The following CROCC variants were observed in gnomAD, a reference collection of about 807,000 sequenced individuals.
CROCC encodes the protein rootletin.
CROCC carries 180 observed loss-of-function variants against 245.2 expected under a neutral mutation model. That is an observed-to-expected ratio of 0.73 (90% CI 0.65 to 0.83). CROCC has a LOEUF of 0.83. Ranked by LOEUF, CROCC falls within the 40% of genes least tolerant of loss-of-function variation. The probability of loss-of-function intolerance (pLI) is 0.00; values close to 1 mark genes in which losing one functional copy is unlikely to be tolerated. For synonymous variants in CROCC, 1,205 were observed against 1,241.6 expected (o/e 0.97, Z 0.62); for missense variants, 2,688 against 2,779.4 (o/e 0.97, Z 0.74).
rs1437082398 is a variant in CROCC at position 16,946,343 on chromosome 1, C to T, written c.2221C>T (p.Leu741=). Residue 741 remains leucine (L), a synonymous_variant, in exon 16 of 37, where the codon CTG becomes TTG. Coordinates refer to ENST00000375541, the MANE Select transcript of CROCC (RefSeq NM_014675.5). ...EASLQDSLSK[L]SALNESLAQD... is the part of the protein sequence containing the mutation. ...CTCCCTGCAGGACTCCCTGTCCAAG[C>T]TGAGCGCCCTCAACGAGAGCCTTGC... 6.2e-7 allele frequency: 1 copy of T among 1,613,478 alleles called. No homozygotes were observed. The highest frequency in any genetic ancestry group is 1.3e-5 in the African/African-American group (1 of 75,082).
intron 13 of CROCC, among the ~76,000 whole-genome samples, chr1:16,942,981 T>G (rs150302166): frequency 0.063 from 9,514 of 150,914 alleles, 78 homozygotes; most frequent in African/African-American, 0.12. Flanking sequence ...AGTGGCTCAC[T>G]CCTGTAATCC....
intron 19 of CROCC, among the ~76,000 whole-genome samples, chr1:16,950,381 A>G (rs1411285389): frequency 6.7e-6 from 1 of 148,880 alleles, no homozygotes; most frequent in Non-Finnish European, 1.5e-5. Context: ...TTTTTGAGGC[A>G]GAGTCTCACT....
At chr1:16,948,698 A>G (rs1203820122) in intron 18 of CROCC, 101 bp from the exon 19 acceptor site, 1 of 1,555,236 alleles carries the variant, frequency 6.4e-7, no homozygotes, top group African/African-American at 1.4e-5. Flanking sequence ...CCAGGCAGGT[A>G]GATTGGCACT....
At chr1:16,955,269 G>GA (rs759106514) in intron 23 of CROCC, 43 bp from the exon 24 acceptor site, 2 of 1,584,196 alleles carry the variant, frequency 1.3e-6, no homozygotes, top group South Asian at 2.2e-5. Context: ...CTTGACGGGG[G>GA]GGTCCCTGAC....
chr1:16,972,136 T>C (rs1487798126), intron 36 of CROCC, among the ~76,000 whole-genome samples: 7 of 152,092 alleles, frequency 4.6e-5, no homozygotes, highest in Non-Finnish European at 7.4e-5. Flanking sequence ...ATGATGGGGA[T>C]AAAGAATGGG....
Position 16,970,691 on chromosome 1 carries a change from A to G in CROCC, c.5708A>G (p.Lys1903Arg), listed in dbSNP as rs542445756. The G allele has an allele frequency of 3.7e-6, 6 of 1,603,138 alleles. No homozygotes were observed. In the Admixed American group the frequency reaches 1.0e-4, roughly 28 times the overall value. The stretch of plus-strand genomic sequence containing the variant: ...GACACAGTGCGGCTGAGCGCAGAGA[A>G]GGGCCGCCTGGACCGCACCCTCACG... The part of the protein sequence containing the change: ...HEDTVRLSAE[K>R]GRLDRTLTGA... Residue 1903 changes from lysine to arginine, a missense_variant, in exon 35 of 37, where the codon AAG becomes AGG. Lys to Arg is a conservative substitution (Grantham distance 26). Coordinates refer to ENST00000375541, the MANE Select transcript of CROCC (RefSeq NM_014675.5).
chr1:16,920,783 G>A (rs2075387439), upstream of CROCC, among the ~76,000 whole-genome samples: 1 of 131,924 alleles, frequency 7.6e-6, no homozygotes, highest in Admixed American at 8.8e-5. Flanking sequence ...CACTCTTGTT[G>A]CCCAGGCTGG....
intron 1 of CROCC, among the ~76,000 whole-genome samples, chr1:16,914,523 C>A (rs1001809509): frequency 6.6e-6 from 1 of 152,290 alleles, no homozygotes; most frequent in Non-Finnish European, 1.5e-5. Flanking sequence ...CTGCACTGCC[C>A]TCCTCGTGTG....
chr1:16,927,526 G>A (rs555022946), intron 3 of CROCC, among the ~76,000 whole-genome samples: 3 of 152,314 alleles, frequency 2.0e-5, no homozygotes, highest in Non-Finnish European at 4.4e-5. Flanking sequence ...CAACACCCGC[G>A]CCACAACATA....
intron 25 of CROCC, among the ~76,000 whole-genome samples, chr1:16,956,769 C>T (rs999982077): frequency 3.3e-5 from 5 of 151,358 alleles, no homozygotes; most frequent in South Asian, 2.1e-4. Context: ...CTTGTAGAAA[C>T]GGGAGATGGG....
intron 9 of CROCC, among the ~76,000 whole-genome samples, chr1:16,937,358 A>AC (rs1172818602): frequency 6.6e-6 from 1 of 152,090 alleles, no homozygotes; most frequent in Non-Finnish European, 1.5e-5. Flanking sequence ...GTCTCAAAAA[A>AC]AAAAAAACAA....
chr1:16,952,138 CG>C (rs1169107449), intron 20 of CROCC, among the ~76,000 whole-genome samples: 1 of 150,950 alleles, frequency 6.6e-6, no homozygotes, highest in Non-Finnish European at 1.5e-5. Context: ...CTGCCCACCT[CG>C]GCCTCCCAAA....
At chr1:16,942,872 A>G (rs1377753654) in intron 13 of CROCC, among the ~76,000 whole-genome samples, 1 of 152,272 alleles carries the variant, frequency 6.6e-6, no homozygotes, top group Non-Finnish European at 1.5e-5. Flanking sequence ...TTGGGAGGCC[A>G]AGGCGGGTGG....
intron 8 of CROCC, among the ~76,000 whole-genome samples, chr1:16,932,555 A>T (rs1350215079): frequency 1.3e-5 from 2 of 152,206 alleles, no homozygotes; most frequent in African/African-American, 4.8e-5. Flanking sequence ...AGGTCAGAAA[A>T]ACCACTTTGT....
At chr1:16,942,034 A>G (rs1223691253) in intron 13 of CROCC, among the ~76,000 whole-genome samples, 2 of 152,192 alleles carry the variant, frequency 1.3e-5, no homozygotes, top group Non-Finnish European at 2.9e-5. Context: ...AATTTGAGAC[A>G]GGGTCTTGTT....
At position 16,924,474 on chromosome 1, in the gene CROCC, G is replaced by T. The variant is rs373042019; in HGVS notation, c.346G>T (p.Glu116Ter). The T allele has an allele frequency of 2.3e-5, 37 of 1,611,636 alleles. No homozygotes were observed. In the African/African-American group the frequency reaches 4.0e-4, roughly 17 times the overall value. Reference sequence around the variant, plus strand: ...CGCCATTAAGTACAATGCGGTCAGCGAGAGGGTGGGTGCCGCCCAGGTGGT... The same window carrying T: ...CGCCATTAAGTACAATGCGGTCAGCTAGAGGGTGGGTGCCGCCCAGGTGGT... ...ELAIKYNAVS[E>*]RLEQALRLEP... is the part of the protein sequence containing the mutation. The change falls in exon 3 of 37, where the codon GAG becomes TAG. Residue 116 changes from glutamate (E) to a stop codon, truncating the protein, a stop_gained. Coordinates refer to ENST00000375541, the MANE Select transcript of CROCC (RefSeq NM_014675.5). LOFTEE classifies it high-confidence loss of function.
chr1:16,971,595 TG>T lies in CROCC; in HGVS notation c.5917del (p.Glu1973ArgfsTer21). The T allele has an allele frequency of 6.6e-7, 1 of 1,525,456 alleles. No individual in the cohort carries two copies. The highest frequency in any genetic ancestry group is 8.8e-7 in the Non-Finnish European group (1 of 1,137,238). The allele number at this position is 1,525,456 out of a possible 1,614,324, so 94.5% of individuals were successfully genotyped here. A position where few individuals can be genotyped will look rare whatever the true frequency, so the allele number is the denominator to read the frequency against. On this transcript the variant is annotated frameshift_variant, in exon 36 of 37. Transcript: ENST00000375541. LOFTEE classifies it high-confidence loss of function. ...RSAQAQTERT[L>X]EARERAHRQR... ...GCCCAGGCGCAGACTGAGCGCACCCTGGAGGCTCGGGAGCGGGCCCACCGCC... is the reference window on the plus strand; with the variant it reads ...GCCCAGGCGCAGACTGAGCGCACCCTGAGGCTCGGGAGCGGGCCCACCGCC...
chr1:16,945,030 C>T (rs2076015227), intron 14 of CROCC, among the ~76,000 whole-genome samples: 1 of 152,248 alleles, frequency 6.6e-6, no homozygotes, highest in African/African-American at 2.4e-5. Flanking sequence ...GTCAGGAGTT[C>T]CAGACCAGCC....
At chr1:16,948,637 G>T in intron 18 of CROCC, 113 bp downstream of exon 18, 1 of 1,489,922 alleles carries the variant, frequency 6.7e-7, no homozygotes, top group Non-Finnish European at 8.9e-7. Context: ...AGTCTGGCTT[G>T]CCGACTCGTC....
Sources: allele counts gnomAD v4.1 joint callset (sites outside exome capture counted in the v4.1 genomes callset), GRCh38; gene constraint gnomAD v4.1.1; transcripts MANE v1.5; gene names NCBI Gene and HGNC (gene_info 2026-07-23, HGNC 2026-07-21).